The following EMCN variants were observed in gnomAD, a reference collection of about 807,000 sequenced individuals.
EMCN encodes MUC-14.
Under a neutral mutation model 38.4 loss-of-function variants are expected in EMCN, and 37 were observed. The ratio of observed to expected loss-of-function variants is 0.96; its 90% CI spans 0.74 to 1.27. The LOEUF (loss-of-function observed/expected upper bound fraction) is 1.27, where lower values mean the gene tolerates loss of function less well. Among genes scored for constraint, EMCN ranks in the 50% most tolerant of loss-of-function variants. The pLI is 0.00. For missense variants in EMCN, 318 were observed against 302.8 expected, an observed-to-expected ratio of 1.05 and a Z score of -0.37; for synonymous variants, 95 against 100.8, an observed-to-expected ratio of 0.94 and a Z score of 0.35.
intron 3 of EMCN, among the ~76,000 whole-genome samples, chr4:100,474,493 C>T (rs922217825): frequency 1.3e-5 from 2 of 152,080 alleles, no homozygotes; most frequent in Admixed American, 6.6e-5. Context: ...AATTCGGCCT[C>T]AAGACATATA....
chr4:100,404,652 C>T (rs1363841541), intron 11 of EMCN, among the ~76,000 whole-genome samples: 2 of 152,072 alleles, frequency 1.3e-5, no homozygotes, highest in Non-Finnish European at 2.9e-5. Context: ...GGTAATGCCT[C>T]CAGCTTTGTT....
At chr4:100,418,687 C>T (rs1726805469) in intron 8 of EMCN, among the ~76,000 whole-genome samples, 1 of 152,092 alleles carries the variant, frequency 6.6e-6, no homozygotes, top group African/African-American at 2.4e-5. Context: ...TAATGACTTC[C>T]AGTTCCATCC....
intron 11 of EMCN, among the ~76,000 whole-genome samples, chr4:100,409,123 G>T (rs538184412): frequency 6.6e-5 from 10 of 152,258 alleles, no homozygotes; most frequent in South Asian, 2.1e-4. Context: ...GTTAATTAGG[G>T]ATTAGACATA....
chr4:100,430,183 G>T (rs1434430056), intron 5 of EMCN, among the ~76,000 whole-genome samples: 2 of 152,082 alleles, frequency 1.3e-5, no homozygotes, highest in African/African-American at 2.4e-5. Context: ...CTTAATTATT[G>T]TATTATTAGT....
At position 100,410,292 on chromosome 4, in the gene EMCN, C is replaced by A. The variant is rs1417368247; in HGVS notation, c.*29G>T. 1.9e-6 allele frequency: 3 copies of A among 1,608,044 alleles called. No individual in the cohort carries two copies. Among genetic ancestry groups the A allele is most frequent in the Non-Finnish European group, 2.6e-6 (3 of 1,174,756 alleles). ...AATTGGGAAACTTACGTAATTATTG[C>A]CTAGGTGTGGAGAGAATTCCTCAAG... On this transcript the variant is annotated 3_prime_UTR_variant, in exon 11 of 12. Transcript: ENST00000296420.
chr4:100,484,535 C>T (rs1455414725), intron 1 of EMCN, among the ~76,000 whole-genome samples: 1 of 152,104 alleles, frequency 6.6e-6, no homozygotes, highest in East Asian at 1.9e-4. Flanking sequence ...TACAGGTGTG[C>T]ACCATGACTG....
intron 10 of EMCN, among the ~76,000 whole-genome samples, chr4:100,412,260 G>A (rs1726584334): frequency 6.6e-6 from 1 of 152,078 alleles, no homozygotes; most frequent in Non-Finnish European, 1.5e-5. Flanking sequence ...AGAGAAGGCA[G>A]GCACATCATG....
intron 4 of EMCN, among the ~76,000 whole-genome samples, chr4:100,461,826 C>T (rs1324326544): frequency 6.6e-6 from 1 of 152,116 alleles, no homozygotes; most frequent in Non-Finnish European, 1.5e-5. Flanking sequence ...ATTTCCTATC[C>T]AAGGAACCAT....
intron 11 of EMCN, among the ~76,000 whole-genome samples, chr4:100,403,180 G>A (rs892381387): frequency 6.6e-6 from 1 of 152,098 alleles, no homozygotes; most frequent in Non-Finnish European, 1.5e-5. Flanking sequence ...TATCATCCAT[G>A]TAATTGGCAT....
At chr4:100,446,028 A>C in intron 5 of EMCN, 18 of 977,500 alleles carry the variant, frequency 1.8e-5, no homozygotes, top group Non-Finnish European at 2.2e-5. Flanking sequence ...TTGTAAATAA[A>C]ATTTATTTAA....
chr4:100,454,719 A>G (rs1727961460), intron 4 of EMCN, among the ~76,000 whole-genome samples: 1 of 152,188 alleles, frequency 6.6e-6, no homozygotes, highest in African/African-American at 2.4e-5. Flanking sequence ...AATGATGTCA[A>G]AGTATAGATC....
At chr4:100,517,075 T>G (rs1032413741) in intron 1 of EMCN, among the ~76,000 whole-genome samples, 5 of 152,082 alleles carry the variant, frequency 3.3e-5, no homozygotes, top group African/African-American at 1.2e-4. Context: ...AAATATTGAT[T>G]AAATTTAACA....
chr4:100,431,605 C>T (rs1309174528), intron 5 of EMCN, among the ~76,000 whole-genome samples: 2 of 152,088 alleles, frequency 1.3e-5, no homozygotes, highest in Non-Finnish European at 2.9e-5. Flanking sequence ...GGAACTTATG[C>T]CATCAGTGAC....
chr4:100,507,894 A>G (rs1729524804), intron 1 of EMCN, among the ~76,000 whole-genome samples: 1 of 152,276 alleles, frequency 6.6e-6, no homozygotes. Flanking sequence ...GATGTGTACT[A>G]TGAGAAATAA....
chr4:100,431,871 C>T (rs1436802037), intron 5 of EMCN, among the ~76,000 whole-genome samples: 4 of 151,992 alleles, frequency 2.6e-5, no homozygotes, highest in Non-Finnish European at 5.9e-5. Context: ...GTCTGGAGAA[C>T]CCTAATACAG....
chr4:100,484,656 C>A (rs1459044894), intron 1 of EMCN, among the ~76,000 whole-genome samples: 1 of 152,086 alleles, frequency 6.6e-6, no homozygotes, highest in Non-Finnish European at 1.5e-5. Context: ...CACCTAAAGT[C>A]CAGTAGAAAT....
Position 100,397,264 on chromosome 4 carries a change from A to G in EMCN, c.*1149T>C, listed in dbSNP as rs1309743347. 1 of 152,180 alleles carries G rather than the reference A, an allele frequency of 6.6e-6. No homozygotes were observed. Among genetic ancestry groups the G allele is most frequent in the Non-Finnish European group, 1.5e-5 (1 of 68,038 alleles). 9.4% of individuals were successfully genotyped at this position (152,180 alleles called of 1,614,324 possible). On this transcript the variant is annotated 3_prime_UTR_variant, in exon 12 of 12. Transcript: ENST00000296420. ...AGCTTATTAGTTCTAAAGCTTTCCA[A>G]AAAACCTCAGCCAACTTGACACTTT...
chr4:100,424,846 G>T (rs1285523916), intron 5 of EMCN, among the ~76,000 whole-genome samples: 8 of 151,998 alleles, frequency 5.3e-5, no homozygotes, highest in Admixed American at 5.3e-4. Context: ...AACCAATGAT[G>T]TTAATCCTTT....
At chr4:100,458,189 T>C (rs1728073391) in intron 4 of EMCN, among the ~76,000 whole-genome samples, 1 of 152,194 alleles carries the variant, frequency 6.6e-6, no homozygotes, top group Non-Finnish European at 1.5e-5. Flanking sequence ...TCTTCTTTAA[T>C]TTTTGGTGGA....
Sources: allele counts gnomAD v4.1 joint callset (sites outside exome capture counted in the v4.1 genomes callset), GRCh38; gene constraint gnomAD v4.1.1; transcripts MANE v1.5; gene names NCBI Gene and HGNC (gene_info 2026-07-23, HGNC 2026-07-21).